Variants in SHROOM3 observed in about 807,000 individuals in gnomAD.
SHROOM3 encodes the protein protein Shroom3.
Under a neutral mutation model 138.6 loss-of-function variants are expected in SHROOM3, and 47 were observed. That is an observed-to-expected ratio of 0.34 (90% CI 0.27 to 0.43). The LOEUF (loss-of-function observed/expected upper bound fraction) is 0.43. Among genes scored for constraint, SHROOM3 ranks in the 20% least tolerant of loss-of-function variants. The pLI, the probability that SHROOM3 is intolerant of heterozygous loss-of-function variation, is 1.00. For missense variants in SHROOM3, 2,491 were observed against 2,596.5 expected, an observed-to-expected ratio of 0.96 and a Z score of 0.88; for synonymous variants, 1,062 against 1,063.3, an observed-to-expected ratio of 1.00 and a Z score of 0.02.
At chr4:76,600,173 A>C (rs997037558) in intron 2 of SHROOM3, among the ~76,000 whole-genome samples, 2 of 151,918 alleles carry the variant, frequency 1.3e-5, no homozygotes, top group Non-Finnish European at 2.9e-5. Context: ...ACAAACAAAA[A>C]CCCAAAAAAT....
chr4:76,636,148 C>T lies in SHROOM3; in HGVS notation c.324-74008C>T, dbSNP rs1481062068. Among the ~76,000 whole-genome samples, 60 of 152,184 alleles carry T rather than the reference C, an allele frequency of 3.9e-4. 1 individual carries two copies. Among genetic ancestry groups the T allele is most frequent in the Admixed American group, 3.9e-3 (60 of 15,278 alleles). On this transcript the variant is annotated intron_variant, in intron 2 of 10. Coordinates refer to ENST00000296043, the MANE Select transcript of SHROOM3 (RefSeq NM_020859.4). Reference sequence around the variant, plus strand: ...AATGGGTAAAATGTGTGATTGATGTCTCTTTTATTTTATTGAAAGCTTGTT... The same window carrying T: ...AATGGGTAAAATGTGTGATTGATGTTTCTTTTATTTTATTGAAAGCTTGTT...
At chr4:76,480,306 A>G (rs560730586) in intron 1 of SHROOM3, among the ~76,000 whole-genome samples, 1 of 152,324 alleles carries the variant, frequency 6.6e-6, no homozygotes, top group African/African-American at 2.4e-5. Context: ...TACCAAGCAA[A>G]TGGAAAGCAA....
intron 1 of SHROOM3, among the ~76,000 whole-genome samples, chr4:76,491,025 G>C (rs577022686): frequency 2.6e-5 from 4 of 152,178 alleles, no homozygotes; most frequent in Admixed American, 2.6e-4. Flanking sequence ...GGAAAGTCAC[G>C]AAAAAGTGGT....
intron 2 of SHROOM3, among the ~76,000 whole-genome samples, chr4:76,560,030 G>T (rs1733568221): frequency 6.6e-6 from 1 of 152,168 alleles, no homozygotes; most frequent in Non-Finnish European, 1.5e-5. Context: ...CATTCCCAAA[G>T]GAAAATAAAC....
rs183641723 is a variant in SHROOM3 at position 76,476,128 on chromosome 4, G to A, written c.168+39908G>A. ...GCCAGCAGAATATGTCTATGATCAG[G>A]CAGTATGCTGAGAACCAGCAGGTGG... On this transcript the variant is annotated intron_variant, in intron 1 of 10. Transcript: ENST00000296043. 3.9e-3 allele frequency among the ~76,000 whole-genome samples: 589 copies of A among 152,308 alleles called. 4 individuals carry two copies. Among genetic ancestry groups the A allele is most frequent in the African/African-American group, 0.013 (554 of 41,572 alleles).
intron 2 of SHROOM3, among the ~76,000 whole-genome samples, chr4:76,578,404 G>A (rs530052363): frequency 1.3e-5 from 2 of 152,342 alleles, no homozygotes; most frequent in African/African-American, 2.4e-5. Flanking sequence ...CCGCACAGGA[G>A]ATGGTAGTTA....
In SHROOM3 at chr4:76,689,433, G is replaced by C. The variant is rs967586296; in HGVS notation, c.324-20723G>C. 18 of 785,318 alleles carry C rather than the reference G, an allele frequency of 2.3e-5. 1 individual carries two copies. In the Admixed American group the frequency reaches 1.3e-3, roughly 55 times the overall value. The allele number at this position is 785,318 out of a possible 1,614,324, so 48.6% of individuals were successfully genotyped here. A position where few individuals can be genotyped will look rare whatever the true frequency, so the allele number is the denominator to read the frequency against. Reference sequence around the variant, plus strand: ...GGGTGGACTGAGCGGGCCCGGGCGGGACGAGAGGTGGGCGAGCGCCCCGCA... The same window carrying C: ...GGGTGGACTGAGCGGGCCCGGGCGGCACGAGAGGTGGGCGAGCGCCCCGCA... On this transcript the variant is annotated intron_variant, in intron 2 of 10. Coordinates refer to ENST00000296043, the MANE Select transcript of SHROOM3 (RefSeq NM_020859.4).
At position 76,435,922 on chromosome 4, in the gene SHROOM3, T is replaced by C. The variant is rs976881850; in HGVS notation, c.-131T>C. 2 of 859,052 alleles carry C rather than the reference T, an allele frequency of 2.3e-6. No individual in the cohort carries two copies. Among genetic ancestry groups the C allele is most frequent in the African/African-American group, 3.4e-5 (2 of 58,732 alleles). The allele number at this position is 859,052 out of a possible 1,614,324, so 53.2% of individuals were successfully genotyped here. A position where few individuals can be genotyped will look rare whatever the true frequency, so the allele number is the denominator to read the frequency against. On this transcript the variant is annotated 5_prime_UTR_variant, in exon 1 of 11. Coordinates refer to ENST00000296043, the MANE Select transcript of SHROOM3 (RefSeq NM_020859.4). ...GAAGAACATTTTACGTATGGAAGAA[T>C]TTGCTTCTCCAAACCTCTCTTTTGG... is the stretch of plus-strand genomic sequence containing the variant.
At chr4:76,548,096 A>G (rs901832867) in intron 1 of SHROOM3, among the ~76,000 whole-genome samples, 2 of 151,418 alleles carry the variant, frequency 1.3e-5, no homozygotes, top group African/African-American at 4.9e-5. Flanking sequence ...TGGAGGAGGT[A>G]AGGGAAAAAG....
At chr4:76,546,742 A>G (rs944449150) in intron 1 of SHROOM3, among the ~76,000 whole-genome samples, 1 of 152,118 alleles carries the variant, frequency 6.6e-6, no homozygotes, top group African/African-American at 2.4e-5. Flanking sequence ...TTTTCCTCAA[A>G]CCGCCAACTT....
intron 2 of SHROOM3, among the ~76,000 whole-genome samples, chr4:76,658,920 CT>C (rs1413520399): frequency 6.6e-6 from 1 of 151,724 alleles, no homozygotes; most frequent in Non-Finnish European, 1.5e-5. Flanking sequence ...CATAGTAAAT[CT>C]TTTTTTGGAA....
intron 3 of SHROOM3, chr4:76,715,997 T>C (rs906153115): frequency 5.2e-6 from 1 of 191,460 alleles, no homozygotes; most frequent in African/African-American, 2.3e-5. Context: ...GATTTCAGTT[T>C]GATGCATTCT....
intron 5 of SHROOM3, among the ~76,000 whole-genome samples, chr4:76,744,017 T>C (rs1289240481): frequency 1.3e-5 from 2 of 152,232 alleles, no homozygotes; most frequent in Non-Finnish European, 2.9e-5. Context: ...CCATTAGATA[T>C]TGTTATTTTG....
chr4:76,731,043 C>T, intron 4 of SHROOM3, 108 bp downstream of exon 4: 1 of 1,440,690 alleles, frequency 6.9e-7, no homozygotes, highest in Non-Finnish European at 9.7e-7. Context: ...TATACTCACA[C>T]TAAATATTAA....
chr4:76,447,288 A>G (rs1730833987), intron 1 of SHROOM3, among the ~76,000 whole-genome samples: 1 of 152,254 alleles, frequency 6.6e-6, no homozygotes. Flanking sequence ...ATCCTGAGCC[A>G]CACATTTGCT....
chr4:76,571,184 C>T (rs1018772719), intron 2 of SHROOM3, among the ~76,000 whole-genome samples: 2 of 152,316 alleles, frequency 1.3e-5, no homozygotes, highest in East Asian at 1.9e-4. Flanking sequence ...CTCTATTTTA[C>T]AGACGAGGAG....
intron 5 of SHROOM3, among the ~76,000 whole-genome samples, chr4:76,745,273 A>G (rs960333645): frequency 4.6e-5 from 7 of 152,222 alleles, no homozygotes; most frequent in African/African-American, 7.2e-5. Context: ...ACAGAAATGT[A>G]TATCTGTTCA....
intron 1 of SHROOM3, among the ~76,000 whole-genome samples, chr4:76,472,419 A>G (rs952903848): frequency 6.6e-6 from 1 of 152,190 alleles, no homozygotes; most frequent in African/African-American, 2.4e-5. Context: ...CAAGAACCAC[A>G]GTCTTGTCAT....
At chr4:76,672,235 A>G (rs1044778221) in intron 2 of SHROOM3, among the ~76,000 whole-genome samples, 11 of 152,184 alleles carry the variant, frequency 7.2e-5, no homozygotes, top group Non-Finnish European at 1.3e-4. Flanking sequence ...TGATATGCAT[A>G]CAAAGTGCTA....
Sources: allele counts gnomAD v4.1 joint callset (sites outside exome capture counted in the v4.1 genomes callset), GRCh38; gene constraint gnomAD v4.1.1; transcripts MANE v1.5; gene names NCBI Gene and HGNC (gene_info 2026-07-23, HGNC 2026-07-21).